Variants in PDZD4 observed in about 807,000 individuals in gnomAD.
The protein encoded by PDZD4 is PDZ domain-containing protein 4.
In PDZD4, 9 loss-of-function variants were observed where a neutral mutation model predicts 38.5. The observed-to-expected ratio is 0.23, with a 90% CI of 0.14 to 0.41. The LOEUF (loss-of-function observed/expected upper bound fraction) is 0.41. Among genes scored for constraint, PDZD4 ranks in the 10% least tolerant of loss-of-function variants. The pLI is 1.00. For synonymous variants in PDZD4, 349 were observed against 315.7 expected, an observed-to-expected ratio of 1.11 and a Z score of -1.12; for missense variants, 612 against 722.0, an observed-to-expected ratio of 0.85 and a Z score of 1.75.
At position 153,830,451 on chromosome X, in the gene PDZD4, G is replaced by C. The variant is rs2148482248; in HGVS notation, c.-153C>G. On this transcript the variant is annotated 5_prime_UTR_variant, in exon 1 of 8. Transcript: ENST00000393758. Reference sequence around the variant, plus strand: ...GCGGGGGAGGGGGGCACGCCCCCGAGGTGGGGGCAGCGGCTCGCCCCTCAG... The same window carrying C: ...GCGGGGGAGGGGGGCACGCCCCCGACGTGGGGGCAGCGGCTCGCCCCTCAG... 4.7e-6 allele frequency: 2 copies of C among 422,872 alleles called. No homozygotes were observed. Among genetic ancestry groups the C allele is most frequent in the Non-Finnish European group, 8.1e-6 (2 of 247,305 alleles). The allele number at this position is 422,872 out of a possible 1,213,427, so 34.8% of individuals were successfully genotyped here.
rs138846842 is a variant in PDZD4 at position 153,804,253 on chromosome X, G to C, written c.1428C>G (p.Ala476=). The change falls in exon 8 of 8, where the codon GCC becomes GCG. Residue 476 remains alanine, a synonymous_variant. Coordinates refer to ENST00000393758, the MANE Select transcript of PDZD4 (RefSeq NM_001303512.2). The part of the protein sequence containing the change: ...PEKSDKDSTS[A]YNTGESCRST... ...TGCGGCAGCTCTCCCCAGTGTTGTA[G>C]GCGCTGGTGCTGTCCTTGTCCGACT... The C allele has an allele frequency of 8.3e-7, 1 of 1,207,682 alleles. No individual in the cohort carries two copies. The highest frequency in any genetic ancestry group is 1.7e-5 in the African/African-American group (1 of 57,589).
intron 1 of PDZD4, among the ~76,000 whole-genome samples, chrX:153,812,515 C>A (rs1366517700): frequency 1.8e-5 from 2 of 110,883 alleles, no homozygotes; most frequent in African/African-American, 6.6e-5. Context: ...GTGGGCACAG[C>A]CTCAGCACCT....
In PDZD4 at chrX:153,804,208, C is replaced by G; in HGVS notation, c.1473G>C (p.Glu491Asp). 4.2e-6 allele frequency: 5 copies of G among 1,203,098 alleles called. No homozygotes were observed. The highest frequency in any genetic ancestry group is 5.6e-6 in the Non-Finnish European group (5 of 891,490). The change falls in exon 8 of 8, where the codon GAG becomes GAC. Residue 491 changes from glutamate (E) to aspartate (D), a missense_variant. By Grantham distance (45) the Glu-to-Asp change is conservative (BLOSUM62 2). Transcript: ENST00000393758. ...ESCRSTPLLV[E>D]PLPESPLRRA... ...GCCGCAGGGGGCTCTCGGGCAGGGG[C>G]TCCACAAGCAGCGGGGTGCTGCGGC...
At chrX:153,806,640 G>A (rs1159487813) in intron 4 of PDZD4, 102 bp downstream of exon 4, 14 of 738,218 alleles carry the variant, frequency 1.9e-5, no homozygotes, top group Non-Finnish European at 2.7e-5. Flanking sequence ...CACCCTAGCT[G>A]TGATGCCCTG....
At chrX:153,823,688 G>A (rs2064451413) in intron 1 of PDZD4, among the ~76,000 whole-genome samples, 1 of 112,362 alleles carries the variant, frequency 8.9e-6, no homozygotes. Context: ...AATGGCCCGA[G>A]GGCAGCAACT....
Position 153,804,531 on chromosome X carries a change from G to A in PDZD4, c.1150C>T (p.Pro384Ser). 2 of 1,209,950 alleles carry A rather than the reference G, an allele frequency of 1.7e-6. No homozygotes were observed. The highest frequency in any genetic ancestry group is 1.7e-5 in the African/African-American group (1 of 57,932). The change falls in exon 8 of 8, where the codon CCC becomes TCC. Residue 384 changes from proline (P) to serine (S), a missense_variant. Transcript: ENST00000393758. ...ENGNQLGLLFPRASGGNSALD... is the reference protein window; with the variant it reads ...ENGNQLGLLFSRASGGNSALD... ...GCGCTGTTGCCTCCGGAGGCCCGGG[G>A]AAAGAGGAGGCCCAGCTGGTTGCCG...
Position 153,804,866 on chromosome X carries a change from G to T in PDZD4, c.815C>A (p.Ala272Asp). The change falls in exon 8 of 8, where the codon GCC becomes GAC. Residue 272 changes from alanine to aspartate, a missense_variant. Ala to Asp is a moderately radical substitution (Grantham distance 126). Around this residue, in one of 3 missense-constraint regions of PDZD4, gnomAD observed 225 missense variants for 311.0 expected, o/e 0.72. Transcript: ENST00000393758. The part of the protein sequence containing the change: ...GNEEEKGAPD[A>D]GPGLSNSQEL... ...CTGGCTGTTGCTCAGGCCTGGGCCG[G>T]CATCGGGAGCCCCCTTCTCCTCTTC... is the stretch of plus-strand genomic sequence containing the variant. 8.3e-7 allele frequency: 1 copy of T among 1,210,027 alleles called. No individual in the cohort carries two copies. Among genetic ancestry groups the T allele is most frequent in the Non-Finnish European group, 1.1e-6 (1 of 894,646 alleles).
In PDZD4 at chrX:153,805,613, C is replaced by A; in HGVS notation, c.568-7G>T. On this transcript the variant is annotated splice_region_variant and splice_polypyrimidine_tract_variant and intron_variant, in intron 5 of 7. Coordinates refer to ENST00000393758, the MANE Select transcript of PDZD4 (RefSeq NM_001303512.2). ...GGACGTCTACACCGTTAATCTGAGGCAGGCAGGATACAATCAACAAGCATG... is the reference window on the plus strand; with the variant it reads ...GGACGTCTACACCGTTAATCTGAGGAAGGCAGGATACAATCAACAAGCATG... 8.4e-7 allele frequency: 1 copy of A among 1,196,573 alleles called. No individual in the cohort carries two copies. Among genetic ancestry groups the A allele is most frequent in the South Asian group, 1.8e-5 (1 of 56,751 alleles).
At chrX:153,811,301 T>A (rs2064308069) in intron 1 of PDZD4, among the ~76,000 whole-genome samples, 1 of 111,857 alleles carries the variant, frequency 8.9e-6, no homozygotes, top group Admixed American at 9.5e-5. Context: ...CACGCCTGGA[T>A]AATTTTTGTA....
At chrX:153,819,965 C>A (rs1243807787) in intron 1 of PDZD4, among the ~76,000 whole-genome samples, 7 of 112,018 alleles carry the variant, frequency 6.2e-5, no homozygotes, top group African/African-American at 2.3e-4. Context: ...AACCACAACA[C>A]CCTTAGCACG....
chrX:153,805,325 C>G, intron 6 of PDZD4, 118 bp from the exon 7 acceptor site: 1 of 744,445 alleles, frequency 1.3e-6, no homozygotes, highest in Non-Finnish European at 2.0e-6. Flanking sequence ...CTGGGGGCAG[C>G]GTCCCAGCCC....
rs782339278 is a variant in PDZD4, at chrX:153,807,313, T to A, written c.371A>T (p.Gln124Leu). 8.3e-7 allele frequency: 1 copy of A among 1,209,160 alleles called. No homozygotes were observed. Among genetic ancestry groups the A allele is most frequent in the Non-Finnish European group, 1.1e-6 (1 of 894,826 alleles). Residue 124 changes from glutamine to leucine, a missense_variant, in exon 3 of 8, where the codon CAG (glutamine) becomes CTG (leucine). Around this residue, in one of 3 missense-constraint regions of PDZD4, gnomAD observed 225 missense variants for 311.0 expected, o/e 0.72. Transcript: ENST00000393758. ...DPAEFMEGGP[Q>L]EADRLDELEY... Reference sequence around the variant, plus strand: ...CAGCTCATCCAAGCGGTCTGCCTCCTGCGGGCCGCCCTCCATAAACTCCGC... The same window carrying A: ...CAGCTCATCCAAGCGGTCTGCCTCCAGCGGGCCGCCCTCCATAAACTCCGC...
Position 153,804,073 on chromosome X carries a change from G to A in PDZD4, c.1608C>T (p.Leu536=), listed in dbSNP as rs1557075805. Residue 536 remains leucine (L), a synonymous_variant, in exon 8 of 8, where the codon CTC becomes CTT. Transcript: ENST00000393758. The part of the protein sequence containing the change: ...PPGSPAKFRS[L]SRDPEAGRRQ... Reference sequence around the variant, plus strand: ...TCCGGCCGGCCTCAGGATCCCGGGAGAGGGACCGGAACTTGGCGGGGCTCC... The same window carrying A: ...TCCGGCCGGCCTCAGGATCCCGGGAAAGGGACCGGAACTTGGCGGGGCTCC... 8.6e-7 allele frequency: 1 copy of A among 1,158,242 alleles called. No individual in the cohort carries two copies. Among genetic ancestry groups the A allele is most frequent in the South Asian group, 1.9e-5 (1 of 52,284 alleles).
At chrX:153,823,014 T>G (rs2064442236) in intron 1 of PDZD4, among the ~76,000 whole-genome samples, 1 of 110,836 alleles carries the variant, frequency 9.0e-6, no homozygotes, top group Non-Finnish European at 1.9e-5. Context: ...CATACCCAGA[T>G]GTAAGGCCTT....
At chrX:153,825,866 G>A (rs886767943) in intron 1 of PDZD4, among the ~76,000 whole-genome samples, 5 of 112,201 alleles carry the variant, frequency 4.5e-5, no homozygotes, top group African/African-American at 9.7e-5. Context: ...GACATTCACA[G>A]GCACTTCTAT....
rs2092207847 is a variant in PDZD4, at chrX:153,805,128, G to C, written c.749C>G (p.Ala250Gly). Residue 250 changes from alanine to glycine, a missense_variant, in exon 7 of 8, where the codon GCT becomes GGT. This residue lies in a region of PDZD4 where 225 missense variants were observed against 311.0 expected (regional missense o/e 0.72). Transcript: ENST00000393758. The part of the protein sequence containing the change: ...FGSENEGELR[A>G]RKLKSPPAQQ... ...GGCAGGGGGTGATTTCAGTTTACGA[G>C]CACGCAGCTCCCCCTCATTCTCAGA... The C allele has an allele frequency of 1.7e-6, 2 of 1,211,336 alleles. No individual in the cohort carries two copies. Among genetic ancestry groups the C allele is most frequent in the Non-Finnish European group, 2.2e-6 (2 of 895,274 alleles).
intron 1 of PDZD4, among the ~76,000 whole-genome samples, chrX:153,808,881 G>A (rs1838737957): frequency 1.8e-5 from 2 of 112,919 alleles, no homozygotes; most frequent in East Asian, 2.8e-4. Context: ...CTGTGATACC[G>A]CCCTACAACG....
chrX:153,823,234 T>TA (rs1491585160), intron 1 of PDZD4, among the ~76,000 whole-genome samples: 360 of 68,990 alleles, frequency 5.2e-3, no homozygotes, highest in African/African-American at 9.2e-3. Context: ...TATATATATA[T>TA]TTTTTTTTGA....
At position 153,806,054 on chromosome X, in the gene PDZD4, A is replaced by G; in HGVS notation, c.567+17T>C. ...CAGCGGGGCCTTGGGCCAGGCCTGC[A>G]GCCTGCAAGTGCTCACCTGGATGAT... On this transcript the variant is annotated intron_variant, in intron 5 of 7. Transcript: ENST00000393758. The G allele has an allele frequency of 8.3e-7, 1 of 1,210,986 alleles. No homozygotes were observed.
Sources: allele counts gnomAD v4.1 joint callset (sites outside exome capture counted in the v4.1 genomes callset), GRCh38; gene constraint gnomAD v4.1.1; regional missense constraint gnomAD v4.1.1; transcripts MANE v1.5; gene names NCBI Gene and HGNC (gene_info 2026-07-23, HGNC 2026-07-21).